The following RPTOR variants were observed in gnomAD, a reference collection of about 807,000 sequenced individuals.
The protein encoded by RPTOR is regulatory-associated protein of mTOR.
Under a neutral mutation model 169.9 loss-of-function variants are expected in RPTOR, and 21 were observed. The observed-to-expected ratio is 0.12, with a 90% CI of 0.09 to 0.18. The LOEUF (loss-of-function observed/expected upper bound fraction) is 0.18. RPTOR is among the 10% of genes least tolerant of loss of function. The probability of loss-of-function intolerance (pLI) is 1.00; values close to 1 mark genes in which losing one functional copy is unlikely to be tolerated. For synonymous variants in RPTOR, 732 were observed against 753.2 expected, an observed-to-expected ratio of 0.97 and a Z score of 0.46; for missense variants, 1,133 against 1,855.9, an observed-to-expected ratio of 0.61 and a Z score of 7.16.
intron 7 of RPTOR, among the ~76,000 whole-genome samples, chr17:80,792,763 T>G (rs1465285338): frequency 6.6e-6 from 1 of 152,164 alleles, no homozygotes; most frequent in Non-Finnish European, 1.5e-5. Context: ...ACTGCAGTTT[T>G]GCGAAGCTGT....
At chr17:80,940,211 TTAAAA>T (rs1460294659) in intron 24 of RPTOR, among the ~76,000 whole-genome samples, 1 of 152,040 alleles carries the variant, frequency 6.6e-6, no homozygotes, top group African/African-American at 2.4e-5. Context: ...AAAAATAAAT[TTAAAA>T]TAACAATACA....
At chr17:80,555,104 T>C (rs931386924) in intron 1 of RPTOR, among the ~76,000 whole-genome samples, 15 of 152,166 alleles carry the variant, frequency 9.9e-5, no homozygotes, top group Non-Finnish European at 2.9e-5. Flanking sequence ...TTGAGAGTTA[T>C]TAGTGTAGTT....
rs1229352988 is a variant in RPTOR at position 80,947,771 on chromosome 17, G to C, written c.3265+420G>C. Among the ~76,000 whole-genome samples, 2 of 152,152 alleles carry C rather than the reference G, an allele frequency of 1.3e-5. No homozygotes were observed. Among genetic ancestry groups the C allele is most frequent in the African/African-American group, 4.8e-5 (2 of 41,432 alleles). On this transcript the variant is annotated intron_variant, in intron 27 of 33. Coordinates refer to ENST00000306801, the MANE Select transcript of RPTOR (RefSeq NM_020761.3). The surrounding 1 kb of genome is among the most constrained non-coding windows in gnomAD (Gnocchi z 4.4). ...ATCGCTGGCTCATTTGCCAGTTGCT[G>C]TCCCCACTGGGAGCTGGCACTCACC...
At chr17:80,908,043 G>A (rs747835503) in intron 20 of RPTOR, among the ~76,000 whole-genome samples, 1 of 152,168 alleles carries the variant, frequency 6.6e-6, no homozygotes. Flanking sequence ...CGACGCTGGG[G>A]GTAACACCTG....
intron 24 of RPTOR, among the ~76,000 whole-genome samples, chr17:80,925,775 G>A (rs1416481271): frequency 6.6e-6 from 1 of 152,222 alleles, no homozygotes; most frequent in Admixed American, 6.5e-5. Flanking sequence ...AGGATCACTC[G>A]AGGCCCATCC....
rs1038065725 is a variant in RPTOR at position 80,963,380 on chromosome 17, G to A, written c.3939+323G>A. ...AGAGTCGCTCGGGGTGTCCATCCCT[G>A]TGCGGCCCTCACCCCGTCCCCTGTG... On this transcript the variant is annotated intron_variant, in intron 33 of 33. Coordinates refer to ENST00000306801, the MANE Select transcript of RPTOR (RefSeq NM_020761.3). Among the ~76,000 whole-genome samples the A allele has an allele frequency of 1.0e-4, 15 of 149,824 alleles. 1 individual carries two copies. Among genetic ancestry groups the A allele is most frequent in the South Asian group, 4.2e-4 (2 of 4,718 alleles).
chr17:80,670,012 T>C (rs1226877072), intron 3 of RPTOR, among the ~76,000 whole-genome samples: 2 of 152,230 alleles, frequency 1.3e-5, no homozygotes, highest in Non-Finnish European at 2.9e-5. Flanking sequence ...GAATTCATCC[T>C]AAAATTGGAA....
At chr17:80,812,117 T>C (rs1202256041) in intron 7 of RPTOR, among the ~76,000 whole-genome samples, 2 of 152,242 alleles carry the variant, frequency 1.3e-5, no homozygotes, top group Non-Finnish European at 2.9e-5. Context: ...TGCCCAGCCC[T>C]TGATTTCTTA....
chr17:80,963,837 T>TCCCCTGTGCGGCCGAGTCCTCACCCC (rs2069385143), intron 33 of RPTOR, among the ~76,000 whole-genome samples: 2 of 138,360 alleles, frequency 1.4e-5, no homozygotes, highest in Non-Finnish European at 3.2e-5. Flanking sequence ...GTCCTCACCC[T>TCCCCTGTGCGGCCGAGTCCTCACCCC]GTCCCCTGTG....
chr17:80,566,275 C>T (rs935592768), intron 1 of RPTOR, among the ~76,000 whole-genome samples: 4 of 152,138 alleles, frequency 2.6e-5, no homozygotes, highest in Non-Finnish European at 4.4e-5. Context: ...TGTCTCATGC[C>T]GTGGTCAGCT....
At position 80,681,526 on chromosome 17, in the gene RPTOR, C is replaced by T. The variant is rs533188931; in HGVS notation, c.349-26315C>T. On this transcript the variant is annotated intron_variant, in intron 3 of 33. Transcript: ENST00000306801. Reference sequence around the variant, plus strand: ...GTAGGGAAGGCCGGTGGTGCGGTATCGAGGACCAATTCTGTGTGTGTGGTT... The same window carrying T: ...GTAGGGAAGGCCGGTGGTGCGGTATTGAGGACCAATTCTGTGTGTGTGGTT... Among the ~76,000 whole-genome samples, 5 of 151,800 alleles carry T rather than the reference C, an allele frequency of 3.3e-5. No homozygotes were observed. In the South Asian group the frequency reaches 6.3e-4, roughly 19 times the overall value.
intron 28 of RPTOR, among the ~76,000 whole-genome samples, chr17:80,955,199 CA>C (rs527515532): frequency 4.5e-4 from 69 of 152,338 alleles, no homozygotes; most frequent in Non-Finnish European, 7.6e-4. Context: ...CCAGCCAAGG[CA>C]ATATTGAAGA....
intron 1 of RPTOR, among the ~76,000 whole-genome samples, chr17:80,589,755 T>C (rs957945798): frequency 6.6e-6 from 1 of 152,250 alleles, no homozygotes; most frequent in Non-Finnish European, 1.5e-5. Context: ...TTGTTTTTTT[T>C]CAATCGACTG....
In RPTOR at chr17:80,812,253, CG is replaced by C. The variant is rs550303947; in HGVS notation, c.891-9946del. On this transcript the variant is annotated intron_variant, in intron 7 of 33. Coordinates refer to ENST00000306801, the MANE Select transcript of RPTOR (RefSeq NM_020761.3). ...AGATGATTGTCAAGTCTGTGCCTGG[CG>C]GCTCCATTATCCAAATCCTCTATCT... is the stretch of plus-strand genomic sequence containing the variant. Among the ~76,000 whole-genome samples the C allele has an allele frequency of 2.3e-4, 35 of 152,300 alleles. No individual in the cohort carries two copies. The South Asian group carries it at 7.2e-3, about 32-fold the overall frequency.
chr17:80,632,431 C>A (rs1401482016), intron 2 of RPTOR, among the ~76,000 whole-genome samples: 1 of 152,128 alleles, frequency 6.6e-6, no homozygotes, highest in African/African-American at 2.4e-5. Context: ...GAGCTCACCG[C>A]CCTCTCCCAC....
intron 12 of RPTOR, 95 bp downstream of exon 12, chr17:80,855,642 C>A: frequency 2.1e-6 from 2 of 971,554 alleles, no homozygotes; most frequent in Non-Finnish European, 3.3e-6. Flanking sequence ...TGATCCAGAG[C>A]CACCCCCAGC....
rs1599550750 is a variant in RPTOR at position 80,562,120 on chromosome 17, G to A, written c.162+16329G>A. 1.3e-5 allele frequency among the ~76,000 whole-genome samples: 2 copies of A among 152,070 alleles called. No homozygotes were observed. Among genetic ancestry groups the A allele is most frequent in the African/African-American group, 4.8e-5 (2 of 41,392 alleles). On this transcript the variant is annotated intron_variant, in intron 1 of 33. Transcript: ENST00000306801. This position sits in a 1 kb window ranked among gnomAD's most constrained non-coding sequence, Gnocchi z 4.4. ...GGCTTGGGCTGGTAGTGACAGGCCCGGCAGCCCCAAGAGCCCCTGGAAGCA... is the reference window on the plus strand; with the variant it reads ...GGCTTGGGCTGGTAGTGACAGGCCCAGCAGCCCCAAGAGCCCCTGGAAGCA...
intron 1 of RPTOR, among the ~76,000 whole-genome samples, chr17:80,599,024 C>T (rs1463747932): frequency 6.6e-6 from 1 of 152,120 alleles, no homozygotes; most frequent in Non-Finnish European, 1.5e-5. Flanking sequence ...TCCTCCCACC[C>T]CAGCCCCCCG....
rs1490635659 is a variant in RPTOR at position 80,636,073 on chromosome 17, TC to T, written c.266-7654del. Among the ~76,000 whole-genome samples the T allele has an allele frequency of 2.6e-5, 4 of 152,324 alleles. No homozygotes were observed. In the East Asian group the frequency reaches 7.7e-4, roughly 29 times the overall value. The stretch of plus-strand genomic sequence containing the variant: ...CTAGAAATCGAGATTTTTGTGTTAA[TC>T]AAGACTCCAGCTTTATTCCTTCCAG... On this transcript the variant is annotated intron_variant, in intron 2 of 33. Coordinates refer to ENST00000306801, the MANE Select transcript of RPTOR (RefSeq NM_020761.3).
Sources: allele counts gnomAD v4.1 joint callset (sites outside exome capture counted in the v4.1 genomes callset), GRCh38; gene constraint gnomAD v4.1.1; non-coding constraint Gnocchi (gnomAD v3.1); transcripts MANE v1.5; gene names NCBI Gene and HGNC (gene_info 2026-07-23, HGNC 2026-07-21).